The following NEGR1 variants were observed in gnomAD, a reference collection of about 807,000 sequenced individuals.
NEGR1 encodes the protein IgLON family member 4.
NEGR1 carries 10 observed loss-of-function variants against 40.9 expected under a neutral mutation model. The observed-to-expected ratio is 0.24, with a 90% CI of 0.15 to 0.42. The LOEUF (loss-of-function observed/expected upper bound fraction) is 0.42, where lower values mean the gene tolerates loss of function less well. NEGR1 is among the 10% of genes least tolerant of loss of function. The probability of loss-of-function intolerance (pLI) is 1.00; values close to 1 mark genes in which losing one functional copy is unlikely to be tolerated. For synonymous variants in NEGR1, 185 were observed against 166.8 expected (o/e 1.11, Z -0.84); for missense variants, 352 against 438.9 (o/e 0.80, Z 1.77).
chr1:71,695,327 A>G (rs1395580846), intron 4 of NEGR1, among the ~76,000 whole-genome samples: 4 of 151,744 alleles, frequency 2.6e-5, no homozygotes, highest in Non-Finnish European at 5.9e-5. Flanking sequence ...GGAGAAGCAA[A>G]TGGCAAAACT....
intron 1 of NEGR1, among the ~76,000 whole-genome samples, chr1:72,112,263 G>A (rs537730971): frequency 1.6e-5 from 2 of 125,522 alleles, no homozygotes; most frequent in East Asian, 2.5e-4. Flanking sequence ...ACACTTTTAC[G>A]TTTAAAAAAA....
At chr1:72,249,199 C>T (rs1270646689) in intron 1 of NEGR1, among the ~76,000 whole-genome samples, 1 of 152,160 alleles carries the variant, frequency 6.6e-6, no homozygotes, top group Non-Finnish European at 1.5e-5. Flanking sequence ...TGTGAGAACA[C>T]AGCTAGAAGG....
intron 1 of NEGR1, among the ~76,000 whole-genome samples, chr1:72,239,099 A>G (rs1654653103): frequency 6.6e-6 from 1 of 151,892 alleles, no homozygotes; most frequent in Non-Finnish European, 1.5e-5. Flanking sequence ...CCATTCAAGA[A>G]TAATTGTCCC....
chr1:72,027,384 A>C (rs1169423475), intron 1 of NEGR1, among the ~76,000 whole-genome samples: 1 of 152,114 alleles, frequency 6.6e-6, no homozygotes, highest in African/African-American at 2.4e-5. Flanking sequence ...CTTACTTACA[A>C]AGGATTTAGC....
chr1:72,090,056 A>T (rs527601931), intron 1 of NEGR1, among the ~76,000 whole-genome samples: 1 of 152,260 alleles, frequency 6.6e-6, no homozygotes, highest in East Asian at 1.9e-4. Flanking sequence ...AAAATTAGAT[A>T]AAAATATGAC....
chr1:71,886,748 C>CT (rs1660735864), intron 2 of NEGR1, among the ~76,000 whole-genome samples: 1 of 151,914 alleles, frequency 6.6e-6, no homozygotes, highest in East Asian at 1.9e-4. Flanking sequence ...TGTTCATTAC[C>CT]TTTTTTACGT....
At chr1:71,796,498 C>A (rs1657331769) in intron 2 of NEGR1, among the ~76,000 whole-genome samples, 1 of 152,118 alleles carries the variant, frequency 6.6e-6, no homozygotes, top group Non-Finnish European at 1.5e-5. Flanking sequence ...GGAGTGAGAT[C>A]AAAAGCTACA....
intron 6 of NEGR1, among the ~76,000 whole-genome samples, chr1:71,485,683 C>T (rs1175354811): frequency 4.0e-5 from 6 of 151,672 alleles, no homozygotes; most frequent in Admixed American, 4.0e-4. Context: ...GTAGGAATTA[C>T]ATAGTAGGTA....
At chr1:71,923,927 G>A (rs890240273) in intron 2 of NEGR1, among the ~76,000 whole-genome samples, 2 of 142,022 alleles carry the variant, frequency 1.4e-5, no homozygotes, top group Non-Finnish European at 3.1e-5. Context: ...TTCTTTTTTT[G>A]TGGCAGGGTC....
chr1:71,626,547 A>G (rs1294621180), intron 4 of NEGR1, among the ~76,000 whole-genome samples: 1 of 151,876 alleles, frequency 6.6e-6, no homozygotes, highest in Non-Finnish European at 1.5e-5. Flanking sequence ...CATCATTTTT[A>G]TGGCTGCATA....
At chr1:71,986,201 A>T (rs1646392350) in intron 1 of NEGR1, among the ~76,000 whole-genome samples, 1 of 152,190 alleles carries the variant, frequency 6.6e-6, no homozygotes, top group Non-Finnish European at 1.5e-5. Flanking sequence ...CTCAGCTACA[A>T]AAACATTTAA....
At chr1:71,489,006 A>T (rs1209718814) in intron 6 of NEGR1, among the ~76,000 whole-genome samples, 1 of 151,744 alleles carries the variant, frequency 6.6e-6, no homozygotes, top group Non-Finnish European at 1.5e-5. Flanking sequence ...AGATTCAAAT[A>T]CCTTACAGAG....
rs1199863508 is a variant in NEGR1, at chr1:71,423,451, GA to G, written c.941-15882del. On this transcript the variant is annotated intron_variant, in intron 6 of 6. Transcript: ENST00000357731. ...TTTAAAAAGCTATTTTTAAAACATG[GA>G]AAAAAAACTTACAAAATCAAGAAAA... 5.3e-5 allele frequency among the ~76,000 whole-genome samples: 8 copies of G among 151,778 alleles called. No homozygotes were observed. In the South Asian group the frequency reaches 1.0e-3, roughly 20 times the overall value.
At chr1:72,226,036 A>G (rs867451602) in intron 1 of NEGR1, among the ~76,000 whole-genome samples, 1 of 151,864 alleles carries the variant, frequency 6.6e-6, no homozygotes, top group Admixed American at 6.6e-5. Context: ...AAATAAATTT[A>G]TGGTTTAAAT....
chr1:71,618,724 T>C (rs935995672), intron 4 of NEGR1, among the ~76,000 whole-genome samples: 2 of 152,146 alleles, frequency 1.3e-5, no homozygotes, highest in Non-Finnish European at 2.9e-5. Context: ...AAAAATCTTC[T>C]ACCCCACCCC....
intron 1 of NEGR1, among the ~76,000 whole-genome samples, chr1:72,232,939 A>G (rs1654420976): frequency 6.6e-6 from 1 of 152,176 alleles, no homozygotes; most frequent in Admixed American, 6.6e-5. Flanking sequence ...AGATGTACAC[A>G]GTAAAGTCTT....
intron 1 of NEGR1, among the ~76,000 whole-genome samples, chr1:72,179,425 T>C (rs1652284898): frequency 1.3e-5 from 2 of 152,174 alleles, no homozygotes; most frequent in Admixed American, 6.6e-5. Context: ...AGTTATTTGT[T>C]ACATAGTATT....
intron 1 of NEGR1, among the ~76,000 whole-genome samples, chr1:72,204,575 A>G (rs1653330269): frequency 6.6e-6 from 1 of 152,192 alleles, no homozygotes; most frequent in Admixed American, 6.6e-5. Context: ...ACAGCATGTG[A>G]AAACAATGCA....
At chr1:72,086,279 G>A (rs1648219278) in intron 1 of NEGR1, among the ~76,000 whole-genome samples, 1 of 152,200 alleles carries the variant, frequency 6.6e-6, no homozygotes. Flanking sequence ...TTCTGTGGAT[G>A]AGCACAAGAC....
Sources: allele counts gnomAD v4.1 joint callset (sites outside exome capture counted in the v4.1 genomes callset), GRCh38; gene constraint gnomAD v4.1.1; transcripts MANE v1.5; gene names NCBI Gene and HGNC (gene_info 2026-07-23, HGNC 2026-07-21).